Variants in FAM193A observed in about 807,000 individuals in gnomAD.
FAM193A encodes protein FAM193A.
Under a neutral mutation model 126.5 loss-of-function variants are expected in FAM193A, and 22 were observed. The observed-to-expected ratio is 0.17, with a 90% CI of 0.12 to 0.25. FAM193A has a LOEUF of 0.25. FAM193A is among the 10% of genes least tolerant of loss of function. The probability of loss-of-function intolerance (pLI) is 1.00; values close to 1 mark genes in which losing one functional copy is unlikely to be tolerated. For synonymous variants in FAM193A, 761 were observed against 646.8 expected, an observed-to-expected ratio of 1.18 and a Z score of -2.68; for missense variants, 1,675 against 1,672.8, an observed-to-expected ratio of 1.00 and a Z score of -0.02.
At chr4:2,717,555 C>T (rs573837248) in intron 20 of FAM193A, among the ~76,000 whole-genome samples, 2 of 147,852 alleles carry the variant, frequency 1.4e-5, no homozygotes, top group South Asian at 4.3e-4. Flanking sequence ...GACATAGCAC[C>T]ATTGCACTCC....
Position 2,602,959 on chromosome 4 carries a change from C to CTTTTTTTT in FAM193A, c.501+6650_501+6657dup, listed in dbSNP as rs71178487. ...ACAAGTGTGAGCCACTGCACCCGGC[C>CTTTTTTTT]TTTTTTTTTTTTTTTTTTTTTTTTT... On this transcript the variant is annotated intron_variant, in intron 2 of 20. Transcript: ENST00000637812. Among the ~76,000 whole-genome samples the CTTTTTTTT allele has an allele frequency of 5.4e-4, 23 of 42,308 alleles. 6 individuals carry two copies. Among genetic ancestry groups the CTTTTTTTT allele is most frequent in the African/African-American group, 1.8e-3 (16 of 8,686 alleles). 27.8% of individuals were successfully genotyped at this position (42,308 alleles called of 152,430 possible). A position where few individuals can be genotyped will look rare whatever the true frequency, so the allele number is the denominator to read the frequency against.
intron 12 of FAM193A, among the ~76,000 whole-genome samples, chr4:2,666,937 G>A (rs1713186859): frequency 6.6e-6 from 1 of 152,144 alleles, no homozygotes; most frequent in South Asian, 2.1e-4. Context: ...TCGTTTCTGT[G>A]TCATTGGTTT....
chr4:2,699,331 G>C (rs1317951399), intron 18 of FAM193A, among the ~76,000 whole-genome samples: 2 of 152,044 alleles, frequency 1.3e-5, no homozygotes. Flanking sequence ...CCGCACCTGT[G>C]AGGGGGTAGC....
At chr4:2,727,455 C>A (rs1208748177) in intron 20 of FAM193A, among the ~76,000 whole-genome samples, 1 of 152,214 alleles carries the variant, frequency 6.6e-6, no homozygotes, top group Non-Finnish European at 1.5e-5. Context: ...GAATTAGCAG[C>A]ATTCCCGCTG....
intron 1 of FAM193A, among the ~76,000 whole-genome samples, chr4:2,590,535 CAG>C (rs1342862310): frequency 2.0e-5 from 2 of 99,820 alleles, no homozygotes; most frequent in Non-Finnish European, 4.6e-5. Flanking sequence ...AATTAAAAAA[CAG>C]AAAATTGTGA....
chr4:2,659,625 C>T lies in FAM193A; in HGVS notation c.1457C>T (p.Ser486Phe), dbSNP rs766998380. ...FTDTMRHMLS[S>F]RLSMPDCPNC... Reference sequence around the variant, plus strand: ...GACACCATGAGGCACATGTTATCGTCCCGGCTGAGCATGCCCGACTGCCCC... The same window carrying T: ...GACACCATGAGGCACATGTTATCGTTCCGGCTGAGCATGCCCGACTGCCCC... Residue 486 changes from serine (S) to phenylalanine (F), a missense_variant, in exon 9 of 21, where the codon TCC becomes TTC. Coordinates refer to ENST00000637812, the MANE Select transcript of FAM193A (RefSeq NM_001366318.2). 11 of 1,614,062 alleles carry T rather than the reference C, an allele frequency of 6.8e-6. No individual in the cohort carries two copies. Among genetic ancestry groups the T allele is most frequent in the Non-Finnish European group, 1.7e-6 (2 of 1,180,032 alleles).
At chr4:2,663,542 TA>T (rs775167398) in intron 12 of FAM193A, among the ~76,000 whole-genome samples, 46 of 151,198 alleles carry the variant, frequency 3.0e-4, no homozygotes, top group African/African-American at 9.2e-4. Flanking sequence ...AGAGAGGAGT[TA>T]AAAAAAAATA....
intron 2 of FAM193A, among the ~76,000 whole-genome samples, chr4:2,624,211 C>T (rs1468236424): frequency 1.3e-5 from 2 of 151,868 alleles, no homozygotes; most frequent in African/African-American, 4.8e-5. Flanking sequence ...AAGTCTCGGT[C>T]TGTTTCTCAG....
chr4:2,616,091 C>T (rs952933472), intron 2 of FAM193A, among the ~76,000 whole-genome samples: 5 of 152,100 alleles, frequency 3.3e-5, no homozygotes, highest in African/African-American at 9.7e-5. Context: ...TGAGCCACCG[C>T]GCCCGGCCGA....
intron 13 of FAM193A, among the ~76,000 whole-genome samples, chr4:2,687,599 G>T (rs184876365): frequency 6.6e-6 from 1 of 152,296 alleles, no homozygotes; most frequent in African/African-American, 2.4e-5. Context: ...TAGATGTGCA[G>T]TCCCAGCTTT....
At chr4:2,710,161 G>GTTTTTTT (rs796903801) in intron 19 of FAM193A, among the ~76,000 whole-genome samples, 9 of 91,810 alleles carry the variant, frequency 9.8e-5, no homozygotes, top group South Asian at 4.4e-4. Context: ...TTCTTCTTTT[G>GTTTTTTT]TTTTTTTTTT....
intron 7 of FAM193A, among the ~76,000 whole-genome samples, chr4:2,649,305 T>G (rs1306716595): frequency 1.3e-5 from 2 of 149,748 alleles, no homozygotes; most frequent in African/African-American, 4.9e-5. Flanking sequence ...AGACCAAGAG[T>G]TAGAGGCTGC....
chr4:2,696,971 A>G (rs948236791), intron 18 of FAM193A, among the ~76,000 whole-genome samples: 23 of 152,140 alleles, frequency 1.5e-4, no homozygotes, highest in Admixed American at 1.4e-3. Flanking sequence ...CTGTGGGTTC[A>G]GAAGTGTCTT....
chr4:2,576,697 T>C (rs530823284), intron 1 of FAM193A, among the ~76,000 whole-genome samples: 2 of 152,318 alleles, frequency 1.3e-5, no homozygotes, highest in South Asian at 4.1e-4. Flanking sequence ...GCAAACAAAA[T>C]CTATATATCT....
intron 2 of FAM193A, among the ~76,000 whole-genome samples, chr4:2,614,553 A>G (rs1311334647): frequency 6.6e-6 from 1 of 152,172 alleles, no homozygotes; most frequent in Non-Finnish European, 1.5e-5. Context: ...TTCATGAAGG[A>G]TATTAGTCTA....
chr4:2,572,711 G>C (rs1433905735), intron 1 of FAM193A, among the ~76,000 whole-genome samples: 1 of 152,022 alleles, frequency 6.6e-6, no homozygotes, highest in Non-Finnish European at 1.5e-5. Context: ...GAGGGCTGGG[G>C]CGAGGATTTT....
rs746942404 is a variant in FAM193A, at chr4:2,693,270, G to A, written c.2804-316G>A. Among the ~76,000 whole-genome samples, 72 of 151,764 alleles carry A rather than the reference G, an allele frequency of 4.7e-4. 1 individual carries two copies. Among genetic ancestry groups the A allele is most frequent in the Admixed American group, 2.6e-4 (4 of 15,200 alleles). ...CCTGACCTCATGATCCACCAGCCTC[G>A]GCCTCCCAAAGTGCTGGGATTACAG... On this transcript the variant is annotated intron_variant, in intron 15 of 20. Coordinates refer to ENST00000637812, the MANE Select transcript of FAM193A (RefSeq NM_001366318.2).
At chr4:2,573,613 G>A (rs1739418139) in intron 1 of FAM193A, among the ~76,000 whole-genome samples, 1 of 151,862 alleles carries the variant, frequency 6.6e-6, no homozygotes, top group African/African-American at 2.4e-5. Flanking sequence ...TGTCTGCTCC[G>A]TGGCTGCGGT....
intron 2 of FAM193A, among the ~76,000 whole-genome samples, chr4:2,612,705 T>G (rs1422131943): frequency 6.6e-6 from 1 of 152,204 alleles, no homozygotes. Flanking sequence ...TGAATTACCT[T>G]GGGACCTTTG....
Sources: gnomAD v4.1 joint callset for allele counts (sites outside exome capture counted in the v4.1 genomes callset) on GRCh38, gnomAD v4.1.1 for gene constraint, MANE v1.5 for transcripts, NCBI Gene and HGNC (gene_info 2026-07-23, HGNC 2026-07-21) for gene names.